The following RNF111 variants were observed in gnomAD, a reference collection of about 807,000 sequenced individuals.
RNF111 encodes E3 ubiquitin-protein ligase Arkadia.
In RNF111, 17 loss-of-function variants were observed where a neutral mutation model predicts 95.1. The observed-to-expected ratio is 0.18, with a 90% CI of 0.12 to 0.27. RNF111 has a LOEUF of 0.27. Among genes scored for constraint, RNF111 ranks in the 10% least tolerant of loss-of-function variants. The pLI is 1.00. For synonymous variants in RNF111, 440 were observed against 414.8 expected (o/e 1.06, Z -0.74); for missense variants, 1,189 against 1,210.4 (o/e 0.98, Z 0.26).
intron 3 of RNF111, among the ~76,000 whole-genome samples, chr15:59,054,980 A>G (rs1405376063): frequency 1.3e-5 from 2 of 152,212 alleles, no homozygotes; most frequent in Non-Finnish European, 2.9e-5. Context: ...AGTCCAAATC[A>G]TTATAGTGAG....
At chr15:59,091,450 A>T (rs1371948104) in intron 12 of RNF111, among the ~76,000 whole-genome samples, 1 of 152,200 alleles carries the variant, frequency 6.6e-6, no homozygotes, top group Non-Finnish European at 1.5e-5. Flanking sequence ...TACTTTAAAA[A>T]AAACACAAAA....
intron 1 of RNF111, among the ~76,000 whole-genome samples, chr15:58,998,585 T>G (rs1462299688): frequency 1.3e-5 from 2 of 152,204 alleles, no homozygotes; most frequent in Non-Finnish European, 2.9e-5. Context: ...ATGGAACACA[T>G]TTTTACTTGA....
intron 6 of RNF111, among the ~76,000 whole-genome samples, chr15:59,073,702 TTAA>T (rs2043045093): frequency 6.6e-6 from 1 of 152,214 alleles, no homozygotes; most frequent in Non-Finnish European, 1.5e-5. Context: ...TTCCAAATTA[TTAA>T]TGTTAATATT....
chr15:58,989,200 A>G (rs944258479), intron 1 of RNF111, among the ~76,000 whole-genome samples: 17 of 152,338 alleles, frequency 1.1e-4, no homozygotes, highest in African/African-American at 3.6e-4. Context: ...AAAAATCTTC[A>G]TGTCAGTATA....
intron 6 of RNF111, among the ~76,000 whole-genome samples, 158 bp downstream of exon 6, chr15:59,067,241 CT>C (rs60929391): frequency 0.23 from 32,824 of 140,876 alleles, 4,061 homozygotes; most frequent in East Asian, 0.44. Context: ...CCTCCGTTTC[CT>C]TTTTTTTTTT....
At chr15:59,068,542 G>T (rs2042768126) in intron 6 of RNF111, among the ~76,000 whole-genome samples, 1 of 152,048 alleles carries the variant, frequency 6.6e-6, no homozygotes, top group African/African-American at 2.4e-5. Context: ...AGAGGTGGAG[G>T]TTGTAGTGAG....
At chr15:59,076,340 G>T (rs1260489484) in intron 7 of RNF111, 125 bp downstream of exon 7, 18 of 1,118,276 alleles carry the variant, frequency 1.6e-5, no homozygotes, top group East Asian at 1.2e-4. Context: ...TAAGAGTAGG[G>T]TATATTTTTT....
intron 1 of RNF111, among the ~76,000 whole-genome samples, chr15:58,992,969 G>A (rs1257233326): frequency 1.3e-5 from 2 of 152,198 alleles, no homozygotes; most frequent in African/African-American, 2.4e-5. Flanking sequence ...AGGAGTTTGA[G>A]ACCAGCCTGC....
At chr15:59,032,526 G>A (rs2040963347) in intron 2 of RNF111, among the ~76,000 whole-genome samples, 3 of 151,988 alleles carry the variant, frequency 2.0e-5, no homozygotes, top group Non-Finnish European at 2.9e-5. Context: ...GGCTGAAGCC[G>A]TCCTCCCACG....
intron 2 of RNF111, among the ~76,000 whole-genome samples, chr15:59,040,220 A>G (rs1439725880): frequency 1.3e-5 from 2 of 152,038 alleles, no homozygotes; most frequent in Non-Finnish European, 2.9e-5. Context: ...GGCTCAAGTG[A>G]TCCTCCTGCC....
chr15:59,093,460 C>A (rs1309226560), intron 13 of RNF111: 5 of 435,732 alleles, frequency 1.1e-5, no homozygotes, highest in South Asian at 8.2e-5. Context: ...ATCCACCTAC[C>A]TCAGCCTCCC....
chr15:59,078,697 A>T (rs934733590), intron 7 of RNF111, among the ~76,000 whole-genome samples: 1 of 152,092 alleles, frequency 6.6e-6, no homozygotes, highest in Non-Finnish European at 1.5e-5. Context: ...TGTCTCTACT[A>T]AAAATTCAAA....
At chr15:59,089,164 T>G (rs906672811) in intron 10 of RNF111, among the ~76,000 whole-genome samples, 10 of 152,140 alleles carry the variant, frequency 6.6e-5, no homozygotes, top group African/African-American at 2.2e-4. Context: ...TTTTAGCCTG[T>G]GGGTCAGTTC....
At chr15:59,025,246 A>G (rs2040545240) in intron 1 of RNF111, among the ~76,000 whole-genome samples, 1 of 152,130 alleles carries the variant, frequency 6.6e-6, no homozygotes, top group African/African-American at 2.4e-5. Context: ...TCTCCTTTCT[A>G]CTAGGAAAGG....
intron 1 of RNF111, among the ~76,000 whole-genome samples, chr15:59,024,051 C>T (rs1347321563): frequency 1.3e-5 from 2 of 152,090 alleles, no homozygotes; most frequent in Admixed American, 1.3e-4. Context: ...TGGTCAGTTT[C>T]TCTCTTTTAA....
Position 59,017,685 on chromosome 15 carries a change from C to T in RNF111, c.-19-13119C>T, listed in dbSNP as rs552132265. 4.7e-5 allele frequency among the ~76,000 whole-genome samples: 7 copies of T among 150,374 alleles called. No homozygotes were observed. The East Asian group carries it at 1.2e-3, about 25-fold the overall frequency. On this transcript the variant is annotated intron_variant, in intron 1 of 13. Coordinates refer to ENST00000348370, the MANE Select transcript of RNF111 (RefSeq NM_017610.8). ...GCTTTGAAAGTTGACAGATTTATTA[C>T]TTGAATTATCAAGAACAAAAGGTCC...
chr15:59,037,825 A>G (rs2041256184), intron 2 of RNF111, among the ~76,000 whole-genome samples: 1 of 152,148 alleles, frequency 6.6e-6, no homozygotes, highest in South Asian at 2.1e-4. Context: ...AACAAGAGTG[A>G]AACTCCCTCT....
At chr15:59,079,642 A>C (rs2078676783) in intron 7 of RNF111, among the ~76,000 whole-genome samples, 1 of 148,560 alleles carries the variant, frequency 6.7e-6, no homozygotes, top group South Asian at 2.1e-4. Context: ...TTTGTATTGA[A>C]ATCTAAGACA....
At chr15:59,076,320 T>A in intron 7 of RNF111, 105 bp downstream of exon 7, 1 of 1,315,446 alleles carries the variant, frequency 7.6e-7, no homozygotes, top group South Asian at 1.4e-5. Flanking sequence ...TTTTTAGTAT[T>A]TACTTGGCTT....
Sources: allele counts gnomAD v4.1 joint callset (sites outside exome capture counted in the v4.1 genomes callset), GRCh38; gene constraint gnomAD v4.1.1; transcripts MANE v1.5; gene names NCBI Gene and HGNC (gene_info 2026-07-23, HGNC 2026-07-21).